The following SNX29 variants were observed in gnomAD, a reference collection of about 807,000 sequenced individuals.
The protein encoded by SNX29 is sorting nexin-29.
Under a neutral mutation model 102.1 loss-of-function variants are expected in SNX29, and 78 were observed. That is an observed-to-expected ratio of 0.76 (90% CI 0.64 to 0.92). The LOEUF (loss-of-function observed/expected upper bound fraction) is 0.92. SNX29 is among the 40% of genes least tolerant of loss of function. SNX29 has a pLI of 0.00. For missense variants in SNX29, 1,280 were observed against 1,061.7 expected (o/e 1.21, Z -2.86); for synonymous variants, 580 against 414.5 (o/e 1.40, Z -4.85).
At chr16:12,355,368 C>G (rs1010832567) in intron 15 of SNX29, among the ~76,000 whole-genome samples, 4 of 152,158 alleles carry the variant, frequency 2.6e-5, no homozygotes, top group Non-Finnish European at 5.9e-5. Flanking sequence ...AAAGTACTTA[C>G]TGCAAATGGC....
At chr16:12,561,670 C>T (rs1412022380) in intron 20 of SNX29, among the ~76,000 whole-genome samples, 1 of 152,142 alleles carries the variant, frequency 6.6e-6, no homozygotes, top group Non-Finnish European at 1.5e-5. Flanking sequence ...TCTGAGGGTG[C>T]CCTCACACAC....
intron 20 of SNX29, among the ~76,000 whole-genome samples, chr16:12,541,946 A>G (rs1440519410): frequency 6.6e-6 from 1 of 152,190 alleles, no homozygotes; most frequent in Non-Finnish European, 1.5e-5. Context: ...GGCCCACACA[A>G]GAGGACGCTG....
At chr16:12,459,449 G>T (rs1049604878) in intron 18 of SNX29, among the ~76,000 whole-genome samples, 7 of 152,242 alleles carry the variant, frequency 4.6e-5, no homozygotes, top group South Asian at 2.1e-4. Flanking sequence ...CCCATAGGGA[G>T]CCCAGAGACA....
chr16:12,235,304 A>G (rs958927400), intron 14 of SNX29, among the ~76,000 whole-genome samples: 1 of 152,252 alleles, frequency 6.6e-6, no homozygotes, highest in East Asian at 1.9e-4. Flanking sequence ...GTCAGAGACC[A>G]GCTGGCACCA....
At chr16:12,402,529 T>G (rs1246475042) in intron 17 of SNX29, among the ~76,000 whole-genome samples, 3 of 152,236 alleles carry the variant, frequency 2.0e-5, no homozygotes, top group Admixed American at 6.5e-5. Context: ...CAATTGATCT[T>G]GAAGTTTCAG....
chr16:12,548,521 G>C (rs2077754162), intron 20 of SNX29, among the ~76,000 whole-genome samples: 1 of 152,200 alleles, frequency 6.6e-6, no homozygotes, highest in Non-Finnish European at 1.5e-5. Context: ...CAGATGCTTT[G>C]AGGGTGCAGC....
chr16:12,283,512 G>A (rs1405570188), intron 15 of SNX29, among the ~76,000 whole-genome samples: 1 of 151,888 alleles, frequency 6.6e-6, no homozygotes, highest in Non-Finnish European at 1.5e-5. Context: ...TAGAGATGGG[G>A]ATTTCACCAT....
chr16:12,447,675 C>T (rs1268763245), intron 18 of SNX29, among the ~76,000 whole-genome samples: 1 of 152,186 alleles, frequency 6.6e-6, no homozygotes, highest in Non-Finnish European at 1.5e-5. Flanking sequence ...TTTGAAAATT[C>T]CCTGGCTGGA....
intron 14 of SNX29, among the ~76,000 whole-genome samples, chr16:12,272,573 G>C (rs1365276419): frequency 6.6e-6 from 1 of 152,168 alleles, no homozygotes; most frequent in Non-Finnish European, 1.5e-5. Context: ...CTAAGTGCAG[G>C]CTCCCCTCAA....
intron 13 of SNX29, among the ~76,000 whole-genome samples, chr16:12,196,703 C>A (rs1204474900): frequency 6.7e-6 from 1 of 148,310 alleles, no homozygotes; most frequent in East Asian, 2.0e-4. Context: ...TCACTGCAAG[C>A]TCCGCCTCCC....
intron 12 of SNX29, among the ~76,000 whole-genome samples, chr16:12,128,639 G>T (rs2054323025): frequency 6.6e-6 from 1 of 152,118 alleles, no homozygotes; most frequent in Non-Finnish European, 1.5e-5. Flanking sequence ...TTTTAGTAGA[G>T]ATAGGGTTTC....
In SNX29 at chr16:12,276,639, G is replaced by C. The variant is rs75751505; in HGVS notation, c.1679-1294G>C. Among the ~76,000 whole-genome samples the C allele has an allele frequency of 6.9e-3, 1,057 of 152,300 alleles. 5 individuals carry two copies. Among genetic ancestry groups the C allele is most frequent in the Non-Finnish European group, 0.012 (811 of 68,018 alleles). On this transcript the variant is annotated intron_variant, in intron 14 of 20. Coordinates refer to ENST00000566228, the MANE Select transcript of SNX29 (RefSeq NM_032167.5). ...AGGAAACTGATCCTGCATCATTGAT[G>C]CTTGTTTTGAGGCTTGAGGCTAATC... is the stretch of plus-strand genomic sequence containing the variant.
At chr16:12,016,216 C>T (rs1402193985) in intron 3 of SNX29, among the ~76,000 whole-genome samples, 1 of 152,154 alleles carries the variant, frequency 6.6e-6, no homozygotes, top group East Asian at 1.9e-4. Context: ...TGCAGATGTA[C>T]AAACAGTTGC....
intron 19 of SNX29, among the ~76,000 whole-genome samples, chr16:12,501,609 C>T (rs1252955543): frequency 2.7e-5 from 4 of 150,824 alleles, no homozygotes; most frequent in Non-Finnish European, 4.4e-5. Flanking sequence ...GTAGTCCCAG[C>T]TACTTGGGAG....
At chr16:12,341,598 A>C (rs1951590333) in intron 15 of SNX29, among the ~76,000 whole-genome samples, 1 of 152,262 alleles carries the variant, frequency 6.6e-6, no homozygotes, top group African/African-American at 2.4e-5. Context: ...GTTCTGCTCC[A>C]CATAATGACT....
In SNX29 at chr16:12,568,798, G is replaced by C. The variant is rs867751290; in HGVS notation, c.*169G>C. On this transcript the variant is annotated 3_prime_UTR_variant, in exon 21 of 21. Coordinates refer to ENST00000566228, the MANE Select transcript of SNX29 (RefSeq NM_032167.5). Reference sequence around the variant, plus strand: ...ACCCCGATTAAACTAATCAGTCTTCGAGCCGCATGATACCGTGACCCGAGA... The same window carrying C: ...ACCCCGATTAAACTAATCAGTCTTCCAGCCGCATGATACCGTGACCCGAGA... 10 of 1,076,808 alleles carry C rather than the reference G, an allele frequency of 9.3e-6. No individual in the cohort carries two copies. Among genetic ancestry groups the C allele is most frequent in the South Asian group, 1.6e-5 (1 of 60,774 alleles). 66.7% of individuals were successfully genotyped at this position (1,076,808 alleles called of 1,614,324 possible). A position where few individuals can be genotyped will look rare whatever the true frequency, so the allele number is the denominator to read the frequency against.
intron 15 of SNX29, among the ~76,000 whole-genome samples, chr16:12,340,027 G>A (rs538573793): frequency 1.3e-5 from 2 of 152,334 alleles, no homozygotes; most frequent in East Asian, 3.9e-4. Flanking sequence ...TTCACCATGA[G>A]GGTCACTGAA....
intron 14 of SNX29, among the ~76,000 whole-genome samples, chr16:12,261,982 C>G (rs1284443539): frequency 7.4e-6 from 1 of 136,000 alleles, no homozygotes; most frequent in Admixed American, 7.5e-5. Context: ...GAGCTCGGGT[C>G]TGTGTGCACG....
chr16:12,102,091 C>G (rs1427484091), intron 11 of SNX29, among the ~76,000 whole-genome samples: 1 of 152,156 alleles, frequency 6.6e-6, no homozygotes, highest in African/African-American at 2.4e-5. Context: ...GCAAAGAACA[C>G]GAACTCATCC....
Sources: gnomAD v4.1 joint callset for allele counts (sites outside exome capture counted in the v4.1 genomes callset) on GRCh38, gnomAD v4.1.1 for gene constraint, MANE v1.5 for transcripts, NCBI Gene and HGNC (gene_info 2026-07-23, HGNC 2026-07-21) for gene names.